The following SLC12A2 variants were observed in gnomAD, a reference collection of about 807,000 sequenced individuals.
The protein encoded by SLC12A2 is Na-K-2Cl cotransporter 1.
In SLC12A2, 67 loss-of-function variants were observed where a neutral mutation model predicts 136.3. The observed-to-expected ratio is 0.49, with a 90% confidence interval of 0.40 to 0.60. The LOEUF is 0.60. Ranked by LOEUF, SLC12A2 falls within the 20% of genes least tolerant of loss-of-function variation. The probability of loss-of-function intolerance (pLI) is 0.00; values close to 1 mark genes in which losing one functional copy is unlikely to be tolerated. For missense variants in SLC12A2, 1,322 were observed against 1,534.7 expected, an observed-to-expected ratio of 0.86 and a Z score of 2.32; for synonymous variants, 619 against 562.9, an observed-to-expected ratio of 1.10 and a Z score of -1.41.
chr5:128,170,021 C>T (rs1032313772), intron 18 of SLC12A2: 1 of 152,126 alleles, frequency 6.6e-6, no homozygotes, highest in Non-Finnish European at 1.5e-5. Context: ...ACTGCTCATT[C>T]TTTATCTTGT....
intron 18 of SLC12A2, among the ~76,000 whole-genome samples, 161 bp from the exon 19 acceptor site, chr5:128,171,506 A>T (rs889160322): frequency 3.3e-5 from 5 of 152,244 alleles, no homozygotes; most frequent in African/African-American, 1.2e-4. Context: ...TGAAACTAAC[A>T]TACATATCTC....
chr5:128,152,781 T>C lies in SLC12A2; in HGVS notation c.2339T>C (p.Val780Ala). Residue 780 changes from valine to alanine, a missense_variant, in exon 15 of 27, where the codon GTG (valine) becomes GCG (alanine). This residue lies in a region of SLC12A2 where 294 missense variants were observed against 436.6 expected (regional missense o/e 0.67). Transcript: ENST00000262461. ...ALQHSIRLSGVEDHVKNFRPQ... is the reference protein window; with the variant it reads ...ALQHSIRLSGAEDHVKNFRPQ... ...CAGCATTCAATTCGTCTTTCTGGAG[T>C]GGAAGACCACGTGAAAAACTTTAGG... is the stretch of plus-strand genomic sequence containing the variant. 6.2e-7 allele frequency: 1 copy of C among 1,612,534 alleles called. No homozygotes were observed. The highest frequency in any genetic ancestry group is 8.5e-7 in the Non-Finnish European group (1 of 1,178,574).
rs1366490907 is a variant in SLC12A2, at chr5:128,084,308, G to C, written c.354G>C (p.Ala118=). 2.5e-5 allele frequency: 38 copies of C among 1,523,512 alleles called. No individual in the cohort carries two copies. The highest frequency in any genetic ancestry group is 3.2e-5 in the Non-Finnish European group (37 of 1,141,254). 94.4% of individuals were successfully genotyped at this position (1,523,512 alleles called of 1,614,324 possible). A position where few individuals can be genotyped will look rare whatever the true frequency, so the allele number is the denominator to read the frequency against. The part of the protein sequence containing the change: ...GAGAGAKQTP[A]DGEASGESEP... ...GGGCGGGGGCCAAGCAGACCCCCGCGGACGGGGAAGCCAGCGGCGAGAGCG... is the reference window on the plus strand; with the variant it reads ...GGGCGGGGGCCAAGCAGACCCCCGCCGACGGGGAAGCCAGCGGCGAGAGCG... The change falls in exon 1 of 27, where the codon GCG becomes GCC. Residue 118 remains alanine, a synonymous_variant. Coordinates refer to ENST00000262461, the MANE Select transcript of SLC12A2 (RefSeq NM_001046.3). The surrounding 1 kb of genome is among the most constrained non-coding windows in gnomAD (Gnocchi z 5.6).
At chr5:128,146,367 TTTAG>T (rs1283057445) in intron 10 of SLC12A2, among the ~76,000 whole-genome samples, 1 of 151,722 alleles carries the variant, frequency 6.6e-6, no homozygotes, top group African/African-American at 2.4e-5. Context: ...ACACATGGCA[TTTAG>T]TTATAGTGTC....
Position 128,083,849 on chromosome 5 carries a change from C to A in SLC12A2, c.-106C>A, listed in dbSNP as rs1173601478. On this transcript the variant is annotated 5_prime_UTR_variant, in exon 1 of 27. Coordinates refer to ENST00000262461, the MANE Select transcript of SLC12A2 (RefSeq NM_001046.3). ...CCCGCAGGCGGCGGGGAGAAAGACT[C>A]TCTCACCTGGTCTTGCGGCTGTGGC... 4.7e-6 allele frequency: 4 copies of A among 848,308 alleles called. No homozygotes were observed. The highest frequency in any genetic ancestry group is 3.1e-6 in the Non-Finnish European group (2 of 644,058). The allele number at this position is 848,308 out of a possible 1,614,324, so 52.5% of individuals were successfully genotyped here.
chr5:128,148,194 T>C (rs776676885), intron 11 of SLC12A2, among the ~76,000 whole-genome samples: 7 of 151,758 alleles, frequency 4.6e-5, no homozygotes, highest in Non-Finnish European at 7.4e-5. Context: ...AGACATTATC[T>C]CCTTTTAGTG....
chr5:128,142,173 G>T (rs558756707), intron 10 of SLC12A2, among the ~76,000 whole-genome samples, 192 bp downstream of exon 10: 1 of 152,132 alleles, frequency 6.6e-6, no homozygotes, highest in Non-Finnish European at 1.5e-5. Flanking sequence ...TGCTATCTTG[G>T]CTTGCTGCAA....
At chr5:128,149,007 G>A in intron 12 of SLC12A2, 130 bp downstream of exon 12, 2 of 772,780 alleles carry the variant, frequency 2.6e-6, no homozygotes, top group East Asian at 5.3e-5. Context: ...AGTTTATAAA[G>A]TACTGTAAGT....
In SLC12A2 at chr5:128,139,101, C is replaced by T. The variant is rs533718066; in HGVS notation, c.1621+193C>T. Among the ~76,000 whole-genome samples the T allele has an allele frequency of 8.0e-4, 122 of 151,888 alleles. 1 individual carries two copies. Among genetic ancestry groups the T allele is most frequent in the Middle Eastern group, 3.4e-3 (1 of 292 alleles). Reference sequence around the variant, plus strand: ...TGACTTCTATAGACATTATCTAAACCGCCAAATGCTTTATGGTATCTCCAG... The same window carrying T: ...TGACTTCTATAGACATTATCTAAACTGCCAAATGCTTTATGGTATCTCCAG... On this transcript the variant is annotated intron_variant, in intron 9 of 26. Coordinates refer to ENST00000262461, the MANE Select transcript of SLC12A2 (RefSeq NM_001046.3).
intron 1 of SLC12A2, among the ~76,000 whole-genome samples, chr5:128,111,188 T>G (rs1161527154): frequency 2.6e-5 from 4 of 152,224 alleles, no homozygotes; most frequent in Non-Finnish European, 5.9e-5. Flanking sequence ...TAAAACTACC[T>G]TTATTAAAAA....
At position 128,083,786 on chromosome 5, in the gene SLC12A2, C is replaced by G. The variant is rs1030253732; in HGVS notation, c.-169C>G. On this transcript the variant is annotated 5_prime_UTR_variant, in exon 1 of 27. Transcript: ENST00000262461. ...CCGCCACACTCGCGCGCTCGCTCGG[C>G]TGCCGGTGGCCTCTGTGGCCGTCCA... The G allele has an allele frequency of 9.2e-6, 4 of 434,586 alleles. No homozygotes were observed. Among genetic ancestry groups the G allele is most frequent in the Non-Finnish European group, 1.5e-5 (4 of 268,188 alleles). 26.9% of individuals were successfully genotyped at this position (434,586 alleles called of 1,614,324 possible).
chr5:128,158,080 T>C lies in SLC12A2; in HGVS notation c.2391T>C (p.Ala797=), dbSNP rs528243932. ...FRPQCLVMTG[A]PNSRPALLHL... ...CACAGTGTCTTGTTATGACAGGTGCTCCAAACTCACGTCCAGCTTTACTTC... is the reference window on the plus strand; with the variant it reads ...CACAGTGTCTTGTTATGACAGGTGCCCCAAACTCACGTCCAGCTTTACTTC... Residue 797 remains alanine (A), a synonymous_variant, in exon 16 of 27, where the codon GCT becomes GCC. Coordinates refer to ENST00000262461, the MANE Select transcript of SLC12A2 (RefSeq NM_001046.3). 6.2e-7 allele frequency: 1 copy of C among 1,613,640 alleles called. No homozygotes were observed. The highest frequency in any genetic ancestry group is 1.3e-5 in the African/African-American group (1 of 75,026).
intron 4 of SLC12A2, among the ~76,000 whole-genome samples, chr5:128,119,162 G>A (rs1413881160): frequency 2.0e-5 from 3 of 152,050 alleles, no homozygotes; most frequent in African/African-American, 7.2e-5. Context: ...TAGAGAGGAC[G>A]GTAATAGAGC....
chr5:128,137,759 A>G (rs1762231185), intron 7 of SLC12A2, among the ~76,000 whole-genome samples: 1 of 152,102 alleles, frequency 6.6e-6, no homozygotes, highest in South Asian at 2.1e-4. Flanking sequence ...TGAAGCTTTT[A>G]TTGTTGTTGA....
chr5:128,130,964 TG>T (rs1761999140), intron 4 of SLC12A2, 102 bp from the exon 5 acceptor site: 2 of 1,036,696 alleles, frequency 1.9e-6, no homozygotes, highest in Non-Finnish European at 2.9e-6. Flanking sequence ...CTCTGCTTAT[TG>T]GGGGCATCTG....
At chr5:128,167,069 A>G (rs1483790534) in intron 17 of SLC12A2, among the ~76,000 whole-genome samples, 1 of 152,128 alleles carries the variant, frequency 6.6e-6, no homozygotes, top group Non-Finnish European at 1.5e-5. Context: ...AGCTATTATG[A>G]GTAATCTTGA....
intron 4 of SLC12A2, among the ~76,000 whole-genome samples, chr5:128,124,370 C>G (rs1561671858): frequency 6.6e-6 from 1 of 152,222 alleles, no homozygotes; most frequent in Admixed American, 6.5e-5. Context: ...TCTCACAAGA[C>G]TACTCCCACT....
At chr5:128,089,025 A>G (rs955421557) in intron 1 of SLC12A2, among the ~76,000 whole-genome samples, 2 of 152,004 alleles carry the variant, frequency 1.3e-5, no homozygotes, top group African/African-American at 4.8e-5. Flanking sequence ...AAAATTAGCC[A>G]GGCGTGGTGG....
intron 9 of SLC12A2, 72 bp from the exon 10 acceptor site, chr5:128,141,758 A>G: frequency 7.8e-7 from 1 of 1,285,760 alleles, no homozygotes; most frequent in South Asian, 1.6e-5. Context: ...TTATAAATAT[A>G]TATATGTATA....
Sources: gnomAD v4.1 joint callset for allele counts (sites outside exome capture counted in the v4.1 genomes callset) on GRCh38, gnomAD v4.1.1 for gene constraint, gnomAD v4.1.1 regional missense constraint, Gnocchi (gnomAD v3.1) non-coding constraint, MANE v1.5 for transcripts, NCBI Gene and HGNC (gene_info 2026-07-23, HGNC 2026-07-21) for gene names.